The following MAP3K19 variants were observed in gnomAD, a reference collection of about 807,000 sequenced individuals.
MAP3K19 encodes SPS1/STE20-related protein kinase YSK4.
In MAP3K19, 91 loss-of-function variants were observed where a neutral mutation model predicts 114.4. The observed-to-expected ratio is 0.80, with a 90% CI of 0.67 to 0.95. The LOEUF (loss-of-function observed/expected upper bound fraction) is 0.95. Among genes scored for constraint, MAP3K19 ranks in the 40% least tolerant of loss-of-function variants. MAP3K19 has a pLI of 0.00. For synonymous variants in MAP3K19, 518 were observed against 530.5 expected, an observed-to-expected ratio of 0.98 and a Z score of 0.32; for missense variants, 1,471 against 1,573.2, an observed-to-expected ratio of 0.94 and a Z score of 1.10.
At chr2:135,017,763 C>G (rs1687675531) in intron 5 of MAP3K19, among the ~76,000 whole-genome samples, 1 of 152,106 alleles carries the variant, frequency 6.6e-6, no homozygotes, top group South Asian at 2.1e-4. Context: ...TTACCATTCT[C>G]CATGCTGCAA....
chr2:134,985,781 G>A lies in MAP3K19; in HGVS notation c.3072+19C>T, dbSNP rs770560460. On this transcript the variant is annotated intron_variant, in intron 10 of 12. Coordinates refer to ENST00000392915, the MANE Select transcript of MAP3K19 (RefSeq NM_025052.5). ...GGTCCTTCCCACCCCAATGAATCTT[G>A]GATTCTAATTATACCAACCTGTATT... is the stretch of plus-strand genomic sequence containing the variant. 1.3e-6 allele frequency: 2 copies of A among 1,563,632 alleles called. No individual in the cohort carries two copies. Among genetic ancestry groups the A allele is most frequent in the Non-Finnish European group, 1.7e-6 (2 of 1,157,494 alleles).
chr2:135,004,539 C>T (rs1004504716), intron 6 of MAP3K19, among the ~76,000 whole-genome samples: 8 of 152,124 alleles, frequency 5.3e-5, no homozygotes, highest in Non-Finnish European at 1.2e-4. Context: ...GGCGGCTTCC[C>T]TGGAGTGCTA....
intron 5 of MAP3K19, among the ~76,000 whole-genome samples, chr2:135,016,113 C>A (rs557130671): frequency 6.6e-6 from 1 of 151,984 alleles, no homozygotes; most frequent in Non-Finnish European, 1.5e-5. Flanking sequence ...AAAAATTATC[C>A]GGGAATGGTG....
At position 134,998,064 on chromosome 2, in the gene MAP3K19, C is replaced by T. The variant is rs562784907; in HGVS notation, c.574+674G>A. 2.4e-4 allele frequency among the ~76,000 whole-genome samples: 36 copies of T among 152,106 alleles called. No individual in the cohort carries two copies. In the South Asian group the frequency reaches 3.9e-3, roughly 17 times the overall value. On this transcript the variant is annotated intron_variant, in intron 8 of 12. Coordinates refer to ENST00000392915, the MANE Select transcript of MAP3K19 (RefSeq NM_025052.5). Reference sequence around the variant, plus strand: ...AAACAAGTAGCAAAGACAATATTGCCGCAGGGGGAAATGCTGGCATCAGTG... The same window carrying T: ...AAACAAGTAGCAAAGACAATATTGCTGCAGGGGGAAATGCTGGCATCAGTG...
intron 5 of MAP3K19, among the ~76,000 whole-genome samples, chr2:135,015,756 G>T (rs975343729): frequency 6.6e-6 from 1 of 152,028 alleles, no homozygotes; most frequent in Non-Finnish European, 1.5e-5. Context: ...AGCCGGGCAT[G>T]GTGGTGCATG....
intron 5 of MAP3K19, among the ~76,000 whole-genome samples, chr2:135,015,228 T>C (rs1386172227): frequency 1.3e-5 from 2 of 152,204 alleles, no homozygotes; most frequent in East Asian, 1.9e-4. Context: ...ACTTGTAAAA[T>C]TGTAATCATT....
intron 9 of MAP3K19, among the ~76,000 whole-genome samples, chr2:134,990,749 A>AC (rs1209254607): frequency 2.6e-5 from 4 of 152,044 alleles, no homozygotes; most frequent in African/African-American, 7.2e-5. Flanking sequence ...TGCTGGGATT[A>AC]AGGCGTGAGC....
chr2:135,043,373 T>C (rs1222569986), intron 1 of MAP3K19, among the ~76,000 whole-genome samples: 1 of 152,186 alleles, frequency 6.6e-6, no homozygotes, highest in Non-Finnish European at 1.5e-5. Flanking sequence ...TTATAAAGAT[T>C]CCAAGTTTCC....
In MAP3K19 at chr2:134,999,983, C is replaced by T; in HGVS notation, c.268G>A (p.Val90Ile). Residue 90 changes from valine (V) to isoleucine (I), a missense_variant, in exon 7 of 13, where the codon GTC (valine) becomes ATC (isoleucine). Transcript: ENST00000392915. This position sits in a 1 kb window ranked among gnomAD's most constrained non-coding sequence, Gnocchi z 4.1. ...VEITVTFPRD[V>I]SPPQEMSQED... ...TGGCTCATTTCTTGGGGAGGACTGA[C>T]ATCTCTTGGAAAAGTTACAGTGATC... 1 of 1,612,046 alleles carries T rather than the reference C, an allele frequency of 6.2e-7. No homozygotes were observed. The highest frequency in any genetic ancestry group is 1.3e-5 in the African/African-American group (1 of 75,006).
intron 2 of MAP3K19, among the ~76,000 whole-genome samples, chr2:135,031,854 C>A (rs1294637861): frequency 6.6e-6 from 1 of 152,160 alleles, no homozygotes; most frequent in African/African-American, 2.4e-5. Context: ...AGGGATAATT[C>A]CAAGATACTG....
At chr2:135,002,046 G>A (rs928481007) in intron 6 of MAP3K19, among the ~76,000 whole-genome samples, 17 of 152,194 alleles carry the variant, frequency 1.1e-4, no homozygotes, top group Non-Finnish European at 2.5e-4. Context: ...AGTTGCTGAC[G>A]TTGCTGTGGA....
intron 2 of MAP3K19, among the ~76,000 whole-genome samples, chr2:135,039,123 CTTTT>C (rs61309665): frequency 0.26 from 29,608 of 112,368 alleles, 4,240 homozygotes; most frequent in African/African-American, 0.45. Flanking sequence ...AATTTTCTTT[CTTTT>C]TTTTTTTTTT....
rs1299130215 is a variant in MAP3K19 at position 135,047,327 on chromosome 2, C to T, written c.-566G>A. 6.6e-6 allele frequency: 1 copy of T among 152,148 alleles called. No individual in the cohort carries two copies. Among genetic ancestry groups the T allele is most frequent in the African/African-American group, 2.4e-5 (1 of 41,418 alleles). 9.4% of individuals were successfully genotyped at this position (152,148 alleles called of 1,614,324 possible). On this transcript the variant is annotated 5_prime_UTR_variant, in exon 1 of 13. Coordinates refer to ENST00000392915, the MANE Select transcript of MAP3K19 (RefSeq NM_025052.5). ...CTTCAACCAGGGATCCATTTAAAAA[C>T]AGCATAGATTCAGATTTTTTTTTCA...
In MAP3K19 at chr2:134,985,899, C is replaced by G; in HGVS notation, c.2973G>C (p.Met991Ile). 1 of 1,614,050 alleles carries G rather than the reference C, an allele frequency of 6.2e-7. No individual in the cohort carries two copies. The highest frequency in any genetic ancestry group is 1.3e-5 in the African/African-American group (1 of 75,030). The change falls in exon 10 of 13, where the codon ATG (methionine) becomes ATC (isoleucine). Residue 991 changes from methionine to isoleucine, a missense_variant. Transcript: ENST00000392915. ...DEKDNNSCQK[M>I]ANETDPENLN... ...GGTTTTCAGGATCTGTTTCATTTGC[C>G]ATTTTTTGGCAAGAGTTGTTATCTT...
intron 12 of MAP3K19, among the ~76,000 whole-genome samples, chr2:134,977,480 A>T (rs1414052325): frequency 1.4e-5 from 2 of 142,862 alleles, no homozygotes; most frequent in Non-Finnish European, 3.0e-5. Context: ...TTCCTGGCTC[A>T]GCCTCCCGAG....
At chr2:135,000,979 T>C (rs1229647241) in intron 6 of MAP3K19, among the ~76,000 whole-genome samples, 5 of 152,206 alleles carry the variant, frequency 3.3e-5, no homozygotes, top group Admixed American at 1.3e-4. Context: ...AGTTGCTTAA[T>C]AGCTATCATC....
At chr2:134,967,233 G>C (rs1368443189) in intron 12 of MAP3K19, among the ~76,000 whole-genome samples, 1 of 152,178 alleles carries the variant, frequency 6.6e-6, no homozygotes, top group African/African-American at 2.4e-5. Flanking sequence ...GCCTCAGGGA[G>C]CTCTGCCCTT....
At chr2:134,995,884 A>G (rs188154545) in intron 8 of MAP3K19, among the ~76,000 whole-genome samples, 75 of 152,294 alleles carry the variant, frequency 4.9e-4, no homozygotes, top group Non-Finnish European at 8.5e-4. Flanking sequence ...ATTAATAAAT[A>G]CCATTCTAAA....
At chr2:135,028,584 A>C (rs1688308748) in intron 3 of MAP3K19, among the ~76,000 whole-genome samples, 1 of 152,234 alleles carries the variant, frequency 6.6e-6, no homozygotes. Context: ...ATTTAAAAAA[A>C]ACAACTAACT....
Sources: allele counts gnomAD v4.1 joint callset (sites outside exome capture counted in the v4.1 genomes callset), GRCh38; gene constraint gnomAD v4.1.1; non-coding constraint Gnocchi (gnomAD v3.1); transcripts MANE v1.5; gene names NCBI Gene and HGNC (gene_info 2026-07-23, HGNC 2026-07-21).